The following DRC11 variants were observed in gnomAD, a reference collection of about 807,000 sequenced individuals.
DRC11 encodes IQ and AAA domain-containing protein 1.
At chr2:236,325,161 C>G in the DRC11 span, among the ~76,000 whole-genome samples, 1 of 152,140 alleles carries the variant, frequency 6.6e-6, no homozygotes, top group African/African-American at 2.4e-5. This position sits in a 1 kb window ranked among gnomAD's most constrained non-coding sequence, Gnocchi z 4.4. Flanking sequence ...GGCGGCCATT[C>G]AACTACTCTG....
the DRC11 span, chr2:236,455,149 T>C: frequency 6.6e-6 from 1 of 152,190 alleles, no homozygotes. This position sits in a 1 kb window ranked among gnomAD's most constrained non-coding sequence, Gnocchi z 5.7. Flanking sequence ...CACCATCTGT[T>C]TCCAACAAAA....
chr2:236,483,295 T>C, the DRC11 span, among the ~76,000 whole-genome samples: 21 of 152,318 alleles, frequency 1.4e-4, no homozygotes, highest in Non-Finnish European at 2.9e-4. The surrounding 1 kb of genome is among the most constrained non-coding windows in gnomAD (Gnocchi z 4.8). Flanking sequence ...TTGCAGAAAT[T>C]GCTGACCCAT....
At chr2:236,345,258 G>A in the DRC11 span, among the ~76,000 whole-genome samples, 1 of 152,156 alleles carries the variant, frequency 6.6e-6, no homozygotes, top group East Asian at 1.9e-4. Flanking sequence ...ACAGAAATGT[G>A]TTCTGCAGCT....
At chr2:236,505,937 A>G in the DRC11 span, among the ~76,000 whole-genome samples, 1 of 152,178 alleles carries the variant, frequency 6.6e-6, no homozygotes. Context: ...AAACTCCTTT[A>G]AAGAGTTAGC....
At chr2:236,490,467 A>C in the DRC11 span, among the ~76,000 whole-genome samples, 1 of 152,330 alleles carries the variant, frequency 6.6e-6, no homozygotes, top group South Asian at 2.1e-4. The surrounding 1 kb of genome is among the most constrained non-coding windows in gnomAD (Gnocchi z 5.5). Context: ...TCACCGCTTC[A>C]AATTTGCAGT....
chr2:236,507,240 G>A, the DRC11 span: 1 of 1,613,620 alleles, frequency 6.2e-7, no homozygotes, highest in Non-Finnish European at 8.5e-7. Context: ...GGCTGTGGCT[G>A]GGAGCCCATC....
the DRC11 span, chr2:236,367,986 G>C: frequency 8.4e-6 from 5 of 591,732 alleles, no homozygotes; most frequent in African/African-American, 9.3e-5. The surrounding 1 kb of genome is among the most constrained non-coding windows in gnomAD (Gnocchi z 4.8). Context: ...AAGCAGGCAC[G>C]CAGAGAGGGT....
the DRC11 span, among the ~76,000 whole-genome samples, chr2:236,488,356 G>GTA: frequency 6.6e-6 from 1 of 152,178 alleles, no homozygotes; most frequent in Non-Finnish European, 1.5e-5. Context: ...AGTGAATGAT[G>GTA]TATATTTTGA....
At chr2:236,475,280 C>A in the DRC11 span, among the ~76,000 whole-genome samples, 1 of 152,138 alleles carries the variant, frequency 6.6e-6, no homozygotes, top group Non-Finnish European at 1.5e-5. This position sits in a 1 kb window ranked among gnomAD's most constrained non-coding sequence, Gnocchi z 4.8. Context: ...CCTCCTGTTC[C>A]ATTCATGTCT....
the DRC11 span, among the ~76,000 whole-genome samples, chr2:236,489,365 GGGCCTGTGTGGGCTCTGGGTGCAGGTGA>G: frequency 6.9e-6 from 1 of 145,774 alleles, no homozygotes; most frequent in African/African-American, 2.6e-5. Context: ...GTACATGCTG[GGGCCTGTGTGGGCTCTGGGTGCAGGTGA>G]GGCCTGTGTG....
At chr2:236,315,356 T>C in the DRC11 span, among the ~76,000 whole-genome samples, 1 of 152,016 alleles carries the variant, frequency 6.6e-6, no homozygotes, top group Admixed American at 6.5e-5. The surrounding 1 kb of genome is among the most constrained non-coding windows in gnomAD (Gnocchi z 5.1). Context: ...AGTGAAACAA[T>C]AAAGCTTCTG....
the DRC11 span, among the ~76,000 whole-genome samples, chr2:236,334,122 C>T: frequency 1.3e-5 from 2 of 152,198 alleles, no homozygotes; most frequent in African/African-American, 2.4e-5. The surrounding 1 kb of genome is among the most constrained non-coding windows in gnomAD (Gnocchi z 7.8). Context: ...GACCTGCCCA[C>T]CTGCCTGCTC....
chr2:236,423,967 C>T, the DRC11 span, among the ~76,000 whole-genome samples: 86 of 148,414 alleles, frequency 5.8e-4, no homozygotes, highest in East Asian at 5.6e-3. Flanking sequence ...AACCAAACAC[C>T]GCATGTTCTC....
At chr2:236,434,918 C>T in the DRC11 span, among the ~76,000 whole-genome samples, 5 of 152,210 alleles carry the variant, frequency 3.3e-5, no homozygotes, top group Non-Finnish European at 4.4e-5. The surrounding 1 kb of genome is among the most constrained non-coding windows in gnomAD (Gnocchi z 5.5). Context: ...TGAAACAACC[C>T]CAAATCAAAA....
At chr2:236,483,034 A>T in the DRC11 span, among the ~76,000 whole-genome samples, 1 of 151,730 alleles carries the variant, frequency 6.6e-6, no homozygotes, top group African/African-American at 2.4e-5. The surrounding 1 kb of genome is among the most constrained non-coding windows in gnomAD (Gnocchi z 4.8). Context: ...TTAAGCAACA[A>T]CTCCCCTTTT....
the DRC11 span, among the ~76,000 whole-genome samples, chr2:236,374,197 T>C: frequency 1.3e-5 from 2 of 152,126 alleles, no homozygotes; most frequent in Admixed American, 1.3e-4. Context: ...TCATTTAGTT[T>C]TGGTGCAAGT....
chr2:236,445,748 T>G, the DRC11 span, among the ~76,000 whole-genome samples: 6 of 152,130 alleles, frequency 3.9e-5, no homozygotes, highest in Non-Finnish European at 5.9e-5. This position sits in a 1 kb window ranked among gnomAD's most constrained non-coding sequence, Gnocchi z 4.8. Flanking sequence ...AAAAAAAAAC[T>G]GTTGTAGGGT....
the DRC11 span, chr2:236,392,054 TCTCATCAA>T: frequency 6.2e-7 from 1 of 1,613,962 alleles, no homozygotes; most frequent in Non-Finnish European, 8.5e-7. This position sits in a 1 kb window ranked among gnomAD's most constrained non-coding sequence, Gnocchi z 5.1. Flanking sequence ...TAAGTTCCTG[TCTCATCAA>T]CTCATCAACC....
the DRC11 span, among the ~76,000 whole-genome samples, chr2:236,498,501 G>T: frequency 6.6e-6 from 1 of 151,364 alleles, no homozygotes; most frequent in African/African-American, 2.4e-5. Flanking sequence ...GCAGACTGTG[G>T]CCTGGGAGGC....
Sources: gnomAD v4.1 joint callset for allele counts (sites outside exome capture counted in the v4.1 genomes callset) on GRCh38, gnomAD v4.1.1 for gene constraint, Gnocchi (gnomAD v3.1) non-coding constraint, MANE v1.5 for transcripts, NCBI Gene and HGNC (gene_info 2026-07-23, HGNC 2026-07-21) for gene names.